Variants in KANSL1 observed in about 807,000 individuals in gnomAD.
KANSL1 encodes MLL1/MLL complex subunit KANSL1.
Under a neutral mutation model 103.6 loss-of-function variants are expected in KANSL1, and 22 were observed. The observed-to-expected ratio is 0.21, with a 90% confidence interval of 0.15 to 0.30. The LOEUF (loss-of-function observed/expected upper bound fraction) is 0.30. Among genes scored for constraint, KANSL1 ranks in the 10% least tolerant of loss-of-function variants. The probability of loss-of-function intolerance (pLI) is 1.00; values close to 1 mark genes in which losing one functional copy is unlikely to be tolerated. For missense variants in KANSL1, 1,337 were observed against 1,399.8 expected, an observed-to-expected ratio of 0.96 and a Z score of 0.72; for synonymous variants, 600 against 527.6, an observed-to-expected ratio of 1.14 and a Z score of -1.88.
chr17:46,185,390 C>T (rs184733176), intron 1 of KANSL1, among the ~76,000 whole-genome samples: 75 of 152,258 alleles, frequency 4.9e-4, no homozygotes, highest in African/African-American at 1.7e-3. Context: ...AGCACCTGTA[C>T]CCAGACTAGG....
At chr17:46,144,580 A>G (rs2044597473) in intron 2 of KANSL1, among the ~76,000 whole-genome samples, 1 of 152,230 alleles carries the variant, frequency 6.6e-6, no homozygotes, top group Non-Finnish European at 1.5e-5. Flanking sequence ...GCAGCTGTAG[A>G]CTGCCAGATA....
chr17:46,059,644 AAAAAGAG>A (rs780724771), intron 6 of KANSL1, among the ~76,000 whole-genome samples: 116 of 65,228 alleles, frequency 1.8e-3, no homozygotes, highest in Admixed American at 3.7e-3. Flanking sequence ...AAAAAAAAAA[AAAAAGAG>A]AGAGAGAGAG....
chr17:46,092,724 G>T (rs1161277502), intron 3 of KANSL1: 3 of 119,448 alleles, frequency 2.5e-5, no homozygotes, highest in Non-Finnish European at 3.5e-5. Flanking sequence ...TTGGGGGGGG[G>T]GGGGGAGGGT....
intron 5 of KANSL1, among the ~76,000 whole-genome samples, chr17:46,067,015 C>T (rs1244272430): frequency 1.3e-5 from 2 of 152,194 alleles, no homozygotes; most frequent in Non-Finnish European, 2.9e-5. Flanking sequence ...GAGTTCTCCT[C>T]TACATCAAAC....
At chr17:46,159,021 TAC>T (rs539592046) in intron 2 of KANSL1, among the ~76,000 whole-genome samples, 76 of 152,244 alleles carry the variant, frequency 5.0e-4, no homozygotes, top group African/African-American at 1.7e-3. Flanking sequence ...AACAAAAAAT[TAC>T]AGTTACTACA....
At chr17:46,078,217 T>C (rs1321579915) in intron 4 of KANSL1, among the ~76,000 whole-genome samples, 2 of 152,240 alleles carry the variant, frequency 1.3e-5, no homozygotes, top group Non-Finnish European at 2.9e-5. Flanking sequence ...GGAAACATTC[T>C]TTAACTCTTT....
intron 6 of KANSL1, among the ~76,000 whole-genome samples, chr17:46,051,991 T>C (rs954248589): frequency 1.3e-5 from 2 of 152,146 alleles, no homozygotes; most frequent in Non-Finnish European, 2.9e-5. Flanking sequence ...CAACTAGGCA[T>C]GCTACTTTTG....
intron 2 of KANSL1, among the ~76,000 whole-genome samples, chr17:46,109,276 A>C (rs528761683): frequency 6.6e-6 from 1 of 152,320 alleles, no homozygotes; most frequent in East Asian, 1.9e-4. Context: ...ACTTGAATGG[A>C]AACTTGCTGA....
chr17:46,186,591 T>G (rs922974360), intron 1 of KANSL1, among the ~76,000 whole-genome samples: 3 of 151,994 alleles, frequency 2.0e-5, no homozygotes, highest in Non-Finnish European at 4.4e-5. Context: ...GGGTAAGGAG[T>G]AAATCACTAA....
intron 6 of KANSL1, among the ~76,000 whole-genome samples, chr17:46,057,546 T>C (rs2077976940): frequency 6.6e-6 from 1 of 152,064 alleles, no homozygotes; most frequent in African/African-American, 2.4e-5. Flanking sequence ...TCACCAGTGG[T>C]TGATAACAAA....
chr17:46,161,093 G>A (rs1456445369), intron 2 of KANSL1, among the ~76,000 whole-genome samples: 6 of 152,092 alleles, frequency 3.9e-5, no homozygotes, highest in Non-Finnish European at 5.9e-5. Context: ...TCTCAACTCT[G>A]TTGTCTGCTT....
chr17:46,143,259 C>T (rs999056296), intron 2 of KANSL1, among the ~76,000 whole-genome samples: 3 of 152,264 alleles, frequency 2.0e-5, no homozygotes, highest in African/African-American at 4.8e-5. Context: ...TTTGGGAGGC[C>T]GAGGCAGGTG....
At chr17:46,141,072 T>TAAA (rs374950728) in intron 2 of KANSL1, among the ~76,000 whole-genome samples, 4 of 145,900 alleles carry the variant, frequency 2.7e-5, no homozygotes, top group African/African-American at 1.0e-4. Context: ...CCTGTTTGTT[T>TAAA]AAAAAAAAAA....
intron 1 of KANSL1, among the ~76,000 whole-genome samples, chr17:46,201,015 G>A (rs2047786914): frequency 6.6e-6 from 1 of 152,030 alleles, no homozygotes; most frequent in Non-Finnish European, 1.5e-5. Context: ...GGGTTCAAGC[G>A]ATTCTCCTAC....
chr17:46,130,153 C>A (rs545578488), intron 2 of KANSL1, among the ~76,000 whole-genome samples: 2 of 132,554 alleles, frequency 1.5e-5, no homozygotes, highest in African/African-American at 5.6e-5. Context: ...TGCCACTGAA[C>A]TCATGCCTGG....
intron 2 of KANSL1, among the ~76,000 whole-genome samples, chr17:46,106,756 A>G (rs1358334599): frequency 6.6e-6 from 1 of 152,238 alleles, no homozygotes. Flanking sequence ...CCCATCTTCA[A>G]GAAAATGAGT....
intron 1 of KANSL1, among the ~76,000 whole-genome samples, chr17:46,189,320 C>A (rs1049880569): frequency 8.5e-5 from 13 of 152,210 alleles, no homozygotes; most frequent in Admixed American, 5.2e-4. Flanking sequence ...TTACCCTAGT[C>A]CCTCCCCTCT....
chr17:46,050,137 A>AT (rs1397958622), intron 7 of KANSL1: 1 of 166,712 alleles, frequency 6.0e-6, no homozygotes, highest in Non-Finnish European at 1.3e-5. Context: ...GCTGGTCTAG[A>AT]ACTCCTGACC....
At chr17:46,205,813 C>T (rs2047948479) in intron 1 of KANSL1, among the ~76,000 whole-genome samples, 1 of 151,952 alleles carries the variant, frequency 6.6e-6, no homozygotes, top group African/African-American at 2.4e-5. Flanking sequence ...TGTGATGGCT[C>T]ACACCTGTAA....
Sources: allele counts gnomAD v4.1 joint callset (sites outside exome capture counted in the v4.1 genomes callset), GRCh38; gene constraint gnomAD v4.1.1; transcripts MANE v1.5; gene names NCBI Gene and HGNC (gene_info 2026-07-23, HGNC 2026-07-21).